The following PPFIA3 variants were observed in gnomAD, a reference collection of about 807,000 sequenced individuals.
PPFIA3 encodes the protein liprin-alpha-3.
Under a neutral mutation model 145.8 loss-of-function variants are expected in PPFIA3, and 26 were observed. The observed-to-expected ratio is 0.18, with a 90% CI of 0.13 to 0.25. PPFIA3 has a LOEUF of 0.25. Among genes scored for constraint, PPFIA3 ranks in the 10% least tolerant of loss-of-function variants. The pLI is 1.00. For synonymous variants in PPFIA3, 645 were observed against 661.4 expected (o/e 0.98, Z 0.38); for missense variants, 1,008 against 1,587.8 (o/e 0.63, Z 6.21).
intron 23 of PPFIA3, among the ~76,000 whole-genome samples, chr19:49,147,716 GAGAA>G (rs910678551): frequency 6.5e-5 from 9 of 138,210 alleles, no homozygotes; most frequent in Admixed American, 1.5e-4. Context: ...GAGAGAAAGA[GAGAA>G]AGAAAGAAAT....
chr19:49,134,603 A>T (rs746259369), intron 11 of PPFIA3, 36 bp from the exon 12 acceptor site: 7 of 1,602,070 alleles, frequency 4.4e-6, no homozygotes, highest in Non-Finnish European at 6.0e-6. Flanking sequence ...GTGGCCCCTC[A>T]GGCCTCACTC....
Position 49,125,608 on chromosome 19 carries a change from C to A in PPFIA3, c.-15-2251C>A, listed in dbSNP as rs576661314. Among the ~76,000 whole-genome samples the A allele has an allele frequency of 8.7e-3, 1,328 of 152,284 alleles. 6 individuals carry two copies. The highest frequency in any genetic ancestry group is 0.014 in the Non-Finnish European group (930 of 68,022). On this transcript the variant is annotated intron_variant, in intron 1 of 29. Coordinates refer to ENST00000334186, the MANE Select transcript of PPFIA3 (RefSeq NM_003660.4). ...GGGGCTGGGGTTGGTGGGAGCGTCCCAGAACTCCTGGGTCCTGGAGGAGGA... is the reference window on the plus strand; with the variant it reads ...GGGGCTGGGGTTGGTGGGAGCGTCCAAGAACTCCTGGGTCCTGGAGGAGGA...
chr19:49,128,727 G>C lies in PPFIA3; in HGVS notation c.343-121G>C. ...CTCCTCTCTTTTCCTGACCTGTCTC[G>C]GTGCTCCTTTATATGGCTCCATCTT... On this transcript the variant is annotated intron_variant, in intron 3 of 29. Coordinates refer to ENST00000334186, the MANE Select transcript of PPFIA3 (RefSeq NM_003660.4). This position sits in a 1 kb window ranked among gnomAD's most constrained non-coding sequence, Gnocchi z 4.1. 1 of 1,030,314 alleles carries C rather than the reference G, an allele frequency of 9.7e-7. No individual in the cohort carries two copies. The highest frequency in any genetic ancestry group is 2.4e-5 in the East Asian group (1 of 41,640). The allele number at this position is 1,030,314 out of a possible 1,614,324, so 63.8% of individuals were successfully genotyped here.
chr19:49,126,151 T>C (rs1336115964), intron 1 of PPFIA3, among the ~76,000 whole-genome samples: 1 of 151,858 alleles, frequency 6.6e-6, no homozygotes, highest in Non-Finnish European at 1.5e-5. Context: ...GGTTTCACCA[T>C]GTTGGCCAGG....
chr19:49,139,778 G>C lies in PPFIA3; in HGVS notation c.2187G>C (p.Gln729His). 1 of 1,613,788 alleles carries C rather than the reference G, an allele frequency of 6.2e-7. No homozygotes were observed. The highest frequency in any genetic ancestry group is 1.3e-5 in the African/African-American group (1 of 75,034). The change falls in exon 17 of 30, where the codon CAG becomes CAC. Residue 729 changes from glutamine (Q) to histidine (H), a missense_variant. Coordinates refer to ENST00000334186, the MANE Select transcript of PPFIA3 (RefSeq NM_003660.4). ...CTGCCCGTCTTGAGAGAATGACCCAGGCCTTGGCACTGCAGGCGGGGTCCC... is the reference window on the plus strand; with the variant it reads ...CTGCCCGTCTTGAGAGAATGACCCACGCCTTGGCACTGCAGGCGGGGTCCC... ...PRSARLERMTQALALQAGSLE... is the reference protein window; with the variant it reads ...PRSARLERMTHALALQAGSLE...
chr19:49,143,456 C>A (rs1032143240), intron 21 of PPFIA3, among the ~76,000 whole-genome samples: 1 of 151,998 alleles, frequency 6.6e-6, no homozygotes, highest in Non-Finnish European at 1.5e-5. Flanking sequence ...CACTGCAACC[C>A]CTGCCTCCCG....
At chr19:49,140,545 TTCC>T (rs1568439529) in intron 18 of PPFIA3, among the ~76,000 whole-genome samples, 2 of 151,424 alleles carry the variant, frequency 1.3e-5, no homozygotes. Context: ...GAGATAGGGT[TTCC>T]TCATGTTGGC....
rs748832972 is a variant in PPFIA3, at chr19:49,149,375, A to T, written c.3354+50A>T. The T allele has an allele frequency of 1.2e-6, 2 of 1,605,722 alleles. No individual in the cohort carries two copies. Among genetic ancestry groups the T allele is most frequent in the Admixed American group, 3.3e-5 (2 of 59,812 alleles). On this transcript the variant is annotated intron_variant, in intron 27 of 29. Coordinates refer to ENST00000334186, the MANE Select transcript of PPFIA3 (RefSeq NM_003660.4). The surrounding 1 kb of genome is among the most constrained non-coding windows in gnomAD (Gnocchi z 5.7). ...GCTCTGCTCCCAGCGGCTCCTCGAG[A>T]GGCTGAGCTGAGGGGGCGGGGCCTG...
intron 21 of PPFIA3, among the ~76,000 whole-genome samples, chr19:49,143,467 G>A (rs1043649502): frequency 6.6e-6 from 1 of 152,044 alleles, no homozygotes; most frequent in Non-Finnish European, 1.5e-5. Flanking sequence ...CTGCCTCCCG[G>A]GTTCAAGCCA....
At chr19:49,124,715 G>A (rs2122525136) in intron 1 of PPFIA3, among the ~76,000 whole-genome samples, 1 of 152,246 alleles carries the variant, frequency 6.6e-6, no homozygotes. Flanking sequence ...TTAAGGCTCT[G>A]GAACAGGCTC....
At position 49,128,161 on chromosome 19, in the gene PPFIA3, G is replaced by GA; in HGVS notation, c.240+50dup. ...GCATGAGGGGGCGGGGCCTCGGGGG[G>GA]AAGAAGGCGGTCCGGAAGGGGCCGG... On this transcript the variant is annotated intron_variant, in intron 2 of 29. Transcript: ENST00000334186. The surrounding 1 kb of genome is among the most constrained non-coding windows in gnomAD (Gnocchi z 4.1). 1 of 1,473,802 alleles carries GA rather than the reference G, an allele frequency of 6.8e-7. No homozygotes were observed. Among genetic ancestry groups the GA allele is most frequent in the South Asian group, 1.3e-5 (1 of 74,842 alleles). 91.3% of individuals were successfully genotyped at this position (1,473,802 alleles called of 1,614,324 possible).
At chr19:49,143,533 C>T (rs961311751) in intron 21 of PPFIA3, among the ~76,000 whole-genome samples, 59 of 152,058 alleles carry the variant, frequency 3.9e-4, no homozygotes, top group African/African-American at 1.4e-3. Context: ...CCACCACGCC[C>T]AGTTAATTTT....
At position 49,129,411 on chromosome 19, in the gene PPFIA3, G is replaced by A. The variant is rs1276616188; in HGVS notation, c.539G>A (p.Arg180His). ...VRERLRMALERVAVLEEELEL... is the reference protein window; with the variant it reads ...VRERLRMALEHVAVLEEELEL... ...GAGCGGCTGCGGATGGCGCTGGAGC[G>A]CGTGGCAGTGCTCGAGGAGGAGCTG... Residue 180 changes from arginine (R) to histidine (H), a missense_variant, in exon 5 of 30, where the codon CGC becomes CAC. This residue lies in a region of PPFIA3 where 136 missense variants were observed against 160.7 expected (regional missense o/e 0.85). Coordinates refer to ENST00000334186, the MANE Select transcript of PPFIA3 (RefSeq NM_003660.4). 2 of 1,551,792 alleles carry A rather than the reference G, an allele frequency of 1.3e-6. No individual in the cohort carries two copies. The highest frequency in any genetic ancestry group is 2.4e-5 in the East Asian group (1 of 41,302).
chr19:49,131,207 C>T (rs558801526), intron 7 of PPFIA3, among the ~76,000 whole-genome samples: 1 of 128,136 alleles, frequency 7.8e-6, no homozygotes, highest in South Asian at 2.7e-4. Flanking sequence ...CTAGCTGTGT[C>T]GCCCAGGCTG....
At chr19:49,121,828 G>A (rs927934784) in intron 1 of PPFIA3, among the ~76,000 whole-genome samples, 2 of 151,906 alleles carry the variant, frequency 1.3e-5, no homozygotes, top group Non-Finnish European at 2.9e-5. Context: ...TAGAGATGGG[G>A]GTTTCGCCAT....
chr19:49,141,967 G>A (rs1430681661), intron 19 of PPFIA3, 67 bp from the exon 20 acceptor site: 2 of 1,280,226 alleles, frequency 1.6e-6, no homozygotes, highest in Non-Finnish European at 2.2e-6. Flanking sequence ...GTGCTGATGG[G>A]GGCCATCCAC....
chr19:49,144,281 T>TTCTG (rs1276694563), intron 21 of PPFIA3, among the ~76,000 whole-genome samples: 2 of 152,292 alleles, frequency 1.3e-5, no homozygotes, highest in East Asian at 3.9e-4. Context: ...AGTGCTGGGA[T>TTCTG]TACAGGCGTG....
chr19:49,145,755 CAA>C, intron 21 of PPFIA3, 186 bp from the exon 22 acceptor site: 1 of 614,934 alleles, frequency 1.6e-6, no homozygotes, highest in Admixed American at 2.8e-5. Context: ...TGTTCAACTC[CAA>C]AGTCACATTG....
At chr19:49,135,026 G>GT in intron 13 of PPFIA3, 111 bp downstream of exon 13, 1 of 796,548 alleles carries the variant, frequency 1.3e-6, no homozygotes, top group Non-Finnish European at 1.8e-6. Flanking sequence ...TGACCCCTCT[G>GT]TTTTTGTTTT....
Sources: allele counts gnomAD v4.1 joint callset (sites outside exome capture counted in the v4.1 genomes callset), GRCh38; gene constraint gnomAD v4.1.1; regional missense constraint gnomAD v4.1.1; non-coding constraint Gnocchi (gnomAD v3.1); transcripts MANE v1.5; gene names NCBI Gene and HGNC (gene_info 2026-07-23, HGNC 2026-07-21).